PLCL2: variants seen among roughly 807,000 people sequenced by gnomAD.
PLCL2 encodes the protein inactive phospholipase C-like protein 2.
Under a neutral mutation model 79.6 loss-of-function variants are expected in PLCL2, and 4 were observed. That is an observed-to-expected ratio of 0.05 (90% CI 0.02 to 0.11). The LOEUF is 0.11. PLCL2 is among the 10% of genes least tolerant of loss of function. The probability of loss-of-function intolerance (pLI) is 1.00; values close to 1 mark genes in which losing one functional copy is unlikely to be tolerated. For synonymous variants in PLCL2, 484 were observed against 457.7 expected (o/e 1.06, Z -0.73); for missense variants, 895 against 1,291.0 (o/e 0.69, Z 4.70).
At chr3:16,891,206 G>C (rs756291091) in intron 1 of PLCL2, among the ~76,000 whole-genome samples, 13 of 152,156 alleles carry the variant, frequency 8.5e-5, no homozygotes, top group Non-Finnish European at 1.5e-4. Context: ...TGGCTTCCCT[G>C]GTTCCTTTCT....
At chr3:16,911,455 T>C (rs1408145066) in intron 1 of PLCL2, among the ~76,000 whole-genome samples, 2 of 152,100 alleles carry the variant, frequency 1.3e-5, no homozygotes, top group Non-Finnish European at 2.9e-5. Context: ...TACTCCAGAG[T>C]ATCTTTAGAA....
chr3:17,075,712 A>G (rs1436537958), intron 5 of PLCL2, among the ~76,000 whole-genome samples: 1 of 152,186 alleles, frequency 6.6e-6, no homozygotes, highest in African/African-American at 2.4e-5. Context: ...GCAACCACTT[A>G]TCTCATTTCT....
In PLCL2 at chr3:17,028,148, G is replaced by A. The variant is rs1419589279; in HGVS notation, c.3018+13237G>A. ...TTGCTGAGGGGCTGAAGGGCTGGGT[G>A]GAGAGAAGGGAATTGGGTAGAGTTA... is the stretch of plus-strand genomic sequence containing the variant. On this transcript the variant is annotated intron_variant, in intron 3 of 5. Transcript: ENST00000615277. Among the ~76,000 whole-genome samples the A allele has an allele frequency of 7.9e-5, 12 of 152,178 alleles. No individual in the cohort carries two copies. In the East Asian group the frequency reaches 2.3e-3, roughly 29 times the overall value.
chr3:16,893,308 A>G (rs888433600), intron 1 of PLCL2, among the ~76,000 whole-genome samples: 1 of 152,068 alleles, frequency 6.6e-6, no homozygotes, highest in Admixed American at 6.5e-5. Context: ...TGGAAGGTAA[A>G]GCAGGTAACA....
chr3:16,971,244 G>T (rs1413348529), intron 1 of PLCL2, among the ~76,000 whole-genome samples: 1 of 151,926 alleles, frequency 6.6e-6, no homozygotes, highest in African/African-American at 2.4e-5. Flanking sequence ...TTTGTATAAG[G>T]TGTAAGGAAG....
intron 1 of PLCL2, among the ~76,000 whole-genome samples, chr3:16,910,298 T>C (rs1001509756): frequency 3.9e-5 from 6 of 152,124 alleles, no homozygotes; most frequent in Admixed American, 3.9e-4. Context: ...GTCCTCACTG[T>C]CACTTTTCTC....
At chr3:16,970,126 A>G (rs2063844771) in intron 1 of PLCL2, among the ~76,000 whole-genome samples, 1 of 151,546 alleles carries the variant, frequency 6.6e-6, no homozygotes, top group Non-Finnish European at 1.5e-5. Flanking sequence ...TTAGTTACAT[A>G]TGTATACATG....
chr3:16,949,941 T>C (rs2063635427), intron 1 of PLCL2, among the ~76,000 whole-genome samples: 1 of 152,232 alleles, frequency 6.6e-6, no homozygotes. Flanking sequence ...ACCTTTCTTA[T>C]ATTTTGAATT....
chr3:17,077,503 A>G (rs2065119511), intron 5 of PLCL2, among the ~76,000 whole-genome samples: 1 of 151,940 alleles, frequency 6.6e-6, no homozygotes, highest in Non-Finnish European at 1.5e-5. Context: ...GTTTTTGCTC[A>G]TTTCATCAGG....
Position 17,090,178 on chromosome 3 carries a change from A to G in PLCL2, c.*266A>G. 1.8e-6 allele frequency: 2 copies of G among 1,130,484 alleles called. No individual in the cohort carries two copies. The highest frequency in any genetic ancestry group is 8.2e-5 in the South Asian group (2 of 24,488). 70.0% of individuals were successfully genotyped at this position (1,130,484 alleles called of 1,614,324 possible). On this transcript the variant is annotated 3_prime_UTR_variant, in exon 6 of 6. Coordinates refer to ENST00000615277, the MANE Select transcript of PLCL2 (RefSeq NM_001144382.2). ...ACATTCTAACTCAGTTCCAGTATGA[A>G]GAAAGATTATTCACTCTAGCTCCAC...
At chr3:17,022,025 G>A (rs2064460754) in intron 3 of PLCL2, among the ~76,000 whole-genome samples, 1 of 152,068 alleles carries the variant, frequency 6.6e-6, no homozygotes, top group African/African-American at 2.4e-5. Flanking sequence ...GAACTGTTAG[G>A]GGGCAGTGGT....
At position 16,988,259 on chromosome 3, in the gene PLCL2, C is replaced by G. The variant is rs2064070305; in HGVS notation, c.328-21415C>G. On this transcript the variant is annotated intron_variant, in intron 1 of 5. Coordinates refer to ENST00000615277, the MANE Select transcript of PLCL2 (RefSeq NM_001144382.2). Reference sequence around the variant, plus strand: ...ATTTAAAAGCAAAAGACATCTTTTTCTTTTAATTTGGTCGGGGTATATTTA... The same window carrying G: ...ATTTAAAAGCAAAAGACATCTTTTTGTTTTAATTTGGTCGGGGTATATTTA... Among the ~76,000 whole-genome samples the G allele has an allele frequency of 1.3e-5, 2 of 152,124 alleles. 1 individual carries two copies. The highest frequency in any genetic ancestry group is 4.8e-5 in the African/African-American group (2 of 41,396).
chr3:17,026,382 G>A (rs992736310), intron 3 of PLCL2, among the ~76,000 whole-genome samples: 2 of 152,002 alleles, frequency 1.3e-5, no homozygotes, highest in African/African-American at 2.4e-5. Flanking sequence ...AGATGTTTAG[G>A]GCTAAATGTT....
intron 5 of PLCL2, among the ~76,000 whole-genome samples, chr3:17,081,030 T>C (rs987550939): frequency 2.0e-5 from 3 of 152,246 alleles, no homozygotes; most frequent in African/African-American, 7.2e-5. Flanking sequence ...CAGTGTGATT[T>C]GCTGTTCAGA....
At chr3:16,951,735 G>C (rs2063654436) in intron 1 of PLCL2, among the ~76,000 whole-genome samples, 1 of 151,978 alleles carries the variant, frequency 6.6e-6, no homozygotes, top group Non-Finnish European at 1.5e-5. Context: ...AACTGCTGGT[G>C]ATTTTCATTT....
intron 3 of PLCL2, among the ~76,000 whole-genome samples, chr3:17,026,915 AC>A (rs1378372681): frequency 8.5e-5 from 13 of 152,240 alleles, no homozygotes; most frequent in African/African-American, 2.4e-4. Context: ...AGAAAAAAAA[AC>A]AAAACAAAAT....
chr3:16,934,780 C>T (rs923870259), intron 1 of PLCL2, among the ~76,000 whole-genome samples: 1 of 152,188 alleles, frequency 6.6e-6, no homozygotes, highest in Non-Finnish European at 1.5e-5. Flanking sequence ...GCTCTTCAGA[C>T]AGTGGAATCA....
chr3:17,065,952 A>G (rs553306890), intron 4 of PLCL2, among the ~76,000 whole-genome samples: 8 of 152,372 alleles, frequency 5.3e-5, no homozygotes, highest in Admixed American at 2.6e-4. Context: ...TGCCAGAAAC[A>G]TAATGAGTAT....
intron 1 of PLCL2, among the ~76,000 whole-genome samples, chr3:16,948,965 T>C (rs1224069835): frequency 6.6e-6 from 1 of 152,230 alleles, no homozygotes; most frequent in Non-Finnish European, 1.5e-5. Context: ...CCATAAGCCA[T>C]AAAAGGCAGT....
Sources: allele counts gnomAD v4.1 joint callset (sites outside exome capture counted in the v4.1 genomes callset), GRCh38; gene constraint gnomAD v4.1.1; transcripts MANE v1.5; gene names NCBI Gene and HGNC (gene_info 2026-07-23, HGNC 2026-07-21).